Variants in CAPRIN2 observed in about 807,000 individuals in gnomAD.
CAPRIN2 encodes caprin family member 2, also known as caprin-2.
In CAPRIN2, 66 loss-of-function variants were observed where a neutral mutation model predicts 130.4. The ratio of observed to expected loss-of-function variants is 0.51; its 90% CI spans 0.42 to 0.62. CAPRIN2 has a LOEUF of 0.62. Ranked by LOEUF, CAPRIN2 falls within the 20% of genes least tolerant of loss-of-function variation. CAPRIN2 has a pLI of 0.00. For synonymous variants in CAPRIN2, 471 were observed against 444.1 expected, an observed-to-expected ratio of 1.06 and a Z score of -0.76; for missense variants, 1,185 against 1,246.6, an observed-to-expected ratio of 0.95 and a Z score of 0.74.
chr12:30,734,060 T>G (rs764939653), intron 4 of CAPRIN2, among the ~76,000 whole-genome samples: 3 of 152,198 alleles, frequency 2.0e-5, no homozygotes, highest in Admixed American at 6.5e-5. Flanking sequence ...AGAGCCGCAT[T>G]TGACTTTAAA....
rs372636040 is a variant in CAPRIN2 at position 30,711,632 on chromosome 12, A to T, written c.2602-3T>A. On this transcript the variant is annotated splice_region_variant and splice_polypyrimidine_tract_variant and intron_variant, in intron 15 of 16. Coordinates refer to ENST00000298892, the Ensembl canonical transcript of CAPRIN2. ...TTATAACACTGCTGGAAATTATCCTAAAGTGAACATATAATATTTACCTTG... is the reference window on the plus strand; with the variant it reads ...TTATAACACTGCTGGAAATTATCCTTAAGTGAACATATAATATTTACCTTG... The T allele has an allele frequency of 6.2e-7, 1 of 1,611,608 alleles. No homozygotes were observed. Among genetic ancestry groups the T allele is most frequent in the Non-Finnish European group, 8.5e-7 (1 of 1,177,748 alleles).
At chr12:30,728,495 C>G in intron 8 of CAPRIN2, 153 bp downstream of exon 9, 2 of 618,118 alleles carry the variant, frequency 3.2e-6, no homozygotes, top group Non-Finnish European at 5.4e-6. Context: ...GCGGAGGTTA[C>G]AGTGAGCAGA....
At chr12:30,740,668 A>C (rs1243856368) in intron 3 of CAPRIN2, among the ~76,000 whole-genome samples, 1 of 152,212 alleles carries the variant, frequency 6.6e-6, no homozygotes, top group African/African-American at 2.4e-5. Flanking sequence ...ATCTTATATA[A>C]ATTTACAAGC....
chr12:30,714,004 T>C (rs2056461956), intron 14 of CAPRIN2, 119 bp from the exon 17 acceptor site: 5 of 534,100 alleles, frequency 9.4e-6, no homozygotes, highest in South Asian at 3.3e-5. Flanking sequence ...ATTAGACTTA[T>C]GCCCTCTTTA....
At chr12:30,749,201 G>C (rs2072384021) in intron 2 of CAPRIN2, among the ~76,000 whole-genome samples, 1 of 152,196 alleles carries the variant, frequency 6.6e-6, no homozygotes, top group South Asian at 2.1e-4. Flanking sequence ...GAGCAGCAAG[G>C]AGGCTAGGGT....
chr12:30,729,194 A>C, exon 8 of CAPRIN2: 1 of 1,613,878 alleles, frequency 6.2e-7, no homozygotes, highest in Non-Finnish European at 8.5e-7. Flanking sequence ...TCTTCTCTTG[A>C]CCATCTGGTT....
At chr12:30,748,611 C>T (rs2071953945) in intron 2 of CAPRIN2, among the ~76,000 whole-genome samples, 1 of 152,076 alleles carries the variant, frequency 6.6e-6, no homozygotes, top group South Asian at 2.1e-4. Context: ...GAAACAGAAC[C>T]CATAATATCT....
intron 15 of CAPRIN2, among the ~76,000 whole-genome samples, chr12:30,712,630 A>G (rs756014230): frequency 6.6e-6 from 1 of 152,114 alleles, no homozygotes; most frequent in Non-Finnish European, 1.5e-5. Context: ...ATGAGGAATT[A>G]GAGCTCAAAA....
At chr12:30,749,660 T>C (rs868355110) in intron 2 of CAPRIN2, among the ~76,000 whole-genome samples, 5 of 152,234 alleles carry the variant, frequency 3.3e-5, no homozygotes, top group Middle Eastern at 3.4e-3. Context: ...TCAACTGACA[T>C]AGCTAAGATT....
chr12:30,741,736 G>C (rs1446231259), intron 2 of CAPRIN2, among the ~76,000 whole-genome samples: 1 of 152,074 alleles, frequency 6.6e-6, no homozygotes, highest in Non-Finnish European at 1.5e-5. Flanking sequence ...TGGAGAACCT[G>C]TGCAACTGGA....
rs982731964 is a variant in CAPRIN2, at chr12:30,728,455, T to G, written c.1782+193A>C. On this transcript the variant is annotated intron_variant, in intron 8 of 16. Coordinates refer to ENST00000298892, the Ensembl canonical transcript of CAPRIN2. ...CTGTAGTCCCAGCTACTCAGGAGGC[T>G]GAGGCAAGAGAATCGCTTGAATCCA... 26 of 532,340 alleles carry G rather than the reference T, an allele frequency of 4.9e-5. No individual in the cohort carries two copies. The South Asian group carries it at 7.0e-4, about 14-fold the overall frequency. The allele number at this position is 532,340 out of a possible 1,614,324, so 33.0% of individuals were successfully genotyped here. A position where few individuals can be genotyped will look rare whatever the true frequency, so the allele number is the denominator to read the frequency against.
rs1250417067 is a variant in CAPRIN2, at chr12:30,752,537, C to G, written c.420+807G>C. Among the ~76,000 whole-genome samples the G allele has an allele frequency of 6.2e-5, 9 of 144,722 alleles. No homozygotes were observed. In the Admixed American group the frequency reaches 6.3e-4, roughly 10 times the overall value. The allele number at this position is 144,722 out of a possible 152,430, so 94.9% of individuals were successfully genotyped here. A position where few individuals can be genotyped will look rare whatever the true frequency, so the allele number is the denominator to read the frequency against. The stretch of plus-strand genomic sequence containing the variant: ...ATAAATGGTGAGAGCTACAGAGAAG[C>G]TACTAGCAACTTGCCCTTCTTTACT... On this transcript the variant is annotated intron_variant, in intron 1 of 16. Transcript: ENST00000298892.
chr12:30,735,190 T>C (rs1238800730), exon 4 of CAPRIN2: 3 of 1,613,946 alleles, frequency 1.9e-6, no homozygotes, highest in Non-Finnish European at 1.7e-6. Context: ...CTGGGCCTTC[T>C]TTTGCGCTTT....
chr12:30,753,695 C>A lies in CAPRIN2; in HGVS notation c.69G>T (p.Glu23Asp), dbSNP rs138089837. ...TAACTTCCCTGGAAAGTCTAGACCA[C>A]TCCCTTAAACTCTTTTCCACAGAAG... Residue 23 changes from glutamate to aspartate, a missense_variant, in exon 1 of 17, where the codon GAG becomes GAT. This residue lies in a region of CAPRIN2 where 1,104 missense variants were observed against 1,104.3 expected (regional missense o/e 1.00). Coordinates refer to ENST00000298892, the Ensembl canonical transcript of CAPRIN2. 2.6e-5 allele frequency: 42 copies of A among 1,613,950 alleles called. No homozygotes were observed. Among genetic ancestry groups the A allele is most frequent in the Non-Finnish European group, 2.8e-5 (33 of 1,179,998 alleles).
At chr12:30,718,967 T>TA (rs2058511397) in intron 12 of CAPRIN2, 112 bp downstream of exon 14, 8 of 1,235,482 alleles carry the variant, frequency 6.5e-6, no homozygotes, top group Non-Finnish European at 8.9e-6. Flanking sequence ...CCAACCCAAA[T>TA]AAATTTTACA....
chr12:30,717,313 C>A (rs1326474567), intron 12 of CAPRIN2, among the ~76,000 whole-genome samples: 1 of 152,070 alleles, frequency 6.6e-6, no homozygotes, highest in Non-Finnish European at 1.5e-5. Context: ...ATGCAAAGTG[C>A]AGTAAGCCAG....
intron 3 of CAPRIN2, among the ~76,000 whole-genome samples, chr12:30,738,176 C>T (rs2138760198): frequency 6.6e-6 from 1 of 152,128 alleles, no homozygotes; most frequent in Middle Eastern, 3.4e-3. Context: ...TTCAGTAAGG[C>T]AACCTCCAAA....
chr12:30,724,283 C>G (rs2060247218), intron 10 of CAPRIN2, 87 bp downstream of exon 11: 6 of 839,874 alleles, frequency 7.1e-6, no homozygotes, highest in Non-Finnish European at 1.2e-5. Context: ...ATTAGGACAT[C>G]TAAAATAAAA....
At chr12:30,742,174 T>G (rs2067779034) in intron 2 of CAPRIN2, among the ~76,000 whole-genome samples, 1 of 152,112 alleles carries the variant, frequency 6.6e-6, no homozygotes, top group Non-Finnish European at 1.5e-5. Flanking sequence ...GTTCGATAAC[T>G]CTACAAATTT....
Sources: gnomAD v4.1 joint callset for allele counts (sites outside exome capture counted in the v4.1 genomes callset) on GRCh38, gnomAD v4.1.1 for gene constraint, gnomAD v4.1.1 regional missense constraint, MANE v1.5 for transcripts, NCBI Gene and HGNC (gene_info 2026-07-23, HGNC 2026-07-21) for gene names.